The following NBAS variants were observed in gnomAD, a reference collection of about 807,000 sequenced individuals.
NBAS encodes the protein NBAS subunit of NRZ tethering complex.
In NBAS, 219 loss-of-function variants were observed where a neutral mutation model predicts 302.5. The ratio of observed to expected loss-of-function variants is 0.72; its 90% confidence interval spans 0.65 to 0.81. The LOEUF (loss-of-function observed/expected upper bound fraction) is 0.81. Among genes scored for constraint, NBAS ranks in the 30% least tolerant of loss-of-function variants. The probability of loss-of-function intolerance (pLI) is 0.00; values close to 1 mark genes in which losing one functional copy is unlikely to be tolerated. For synonymous variants in NBAS, 1,118 were observed against 1,021.6 expected (o/e 1.09, Z -1.80); for missense variants, 2,932 against 2,841.6 (o/e 1.03, Z -0.72).
chr2:15,003,531 G>A, the NBAS span, among the ~76,000 whole-genome samples: 1 of 152,114 alleles, frequency 6.6e-6, no homozygotes, highest in East Asian at 1.9e-4. Context: ...CAATAAACAG[G>A]TAAAGGGAAG....
chr2:14,865,885 G>C, the NBAS span, among the ~76,000 whole-genome samples: 6 of 152,054 alleles, frequency 3.9e-5, no homozygotes, highest in African/African-American at 1.4e-4. Context: ...CAAATTGGTA[G>C]AAAACTCTTA....
At chr2:14,947,245 G>A in the NBAS span, among the ~76,000 whole-genome samples, 6 of 151,498 alleles carry the variant, frequency 4.0e-5, no homozygotes, top group Non-Finnish European at 3.0e-5. Flanking sequence ...TTCTTAAAAA[G>A]ATAAACAAAA....
the NBAS span, among the ~76,000 whole-genome samples, chr2:15,155,237 A>G: frequency 6.6e-6 from 1 of 152,190 alleles, no homozygotes; most frequent in East Asian, 1.9e-4. Flanking sequence ...ATTAAGTTCT[A>G]GAGAAAAATA....
the NBAS span, among the ~76,000 whole-genome samples, chr2:14,864,256 G>T: frequency 1.2e-3 from 179 of 151,518 alleles, no homozygotes; most frequent in Middle Eastern, 6.8e-3. Flanking sequence ...GGTAGGAGGA[G>T]GTTGTAGTGA....
Position 15,561,295 on chromosome 2 carries a change from G to C in NBAS, c.10C>G (p.Pro4Ala). Residue 4 changes from proline (P) to alanine (A), a missense_variant, in exon 1 of 52, where the codon CCC becomes GCC. Transcript: ENST00000281513. Reference protein sequence around the residue: MAAPESGPALSPGT... With the variant: MAAAESGPALSPGT... ...GGACTCAAAGCCGGCCCTGACTCGGGGGCCGCCATGTTCGCCGAGGACTCA... is the reference window on the plus strand; with the variant it reads ...GGACTCAAAGCCGGCCCTGACTCGGCGGCCGCCATGTTCGCCGAGGACTCA... The C allele has an allele frequency of 6.2e-7, 1 of 1,613,060 alleles. No individual in the cohort carries two copies. The highest frequency in any genetic ancestry group is 8.5e-7 in the Non-Finnish European group (1 of 1,179,990).
intron 41 of NBAS, among the ~76,000 whole-genome samples, chr2:15,290,783 G>A (rs1018091687): frequency 1.4e-4 from 22 of 152,294 alleles, no homozygotes; most frequent in African/African-American, 5.1e-4. Context: ...GAGGAGAAGA[G>A]AAAAACAATT....
the NBAS span, among the ~76,000 whole-genome samples, chr2:15,115,701 C>A: frequency 6.6e-6 from 1 of 151,782 alleles, no homozygotes; most frequent in Admixed American, 6.6e-5. Context: ...TTTGTATAGA[C>A]GAAGCTTTGT....
chr2:14,784,231 G>T, the NBAS span, among the ~76,000 whole-genome samples: 9 of 152,150 alleles, frequency 5.9e-5, no homozygotes, highest in African/African-American at 2.2e-4. Flanking sequence ...TTTGTCAGAT[G>T]AGTAGGTTGT....
chr2:15,054,665 AG>A, the NBAS span, among the ~76,000 whole-genome samples: 1 of 152,210 alleles, frequency 6.6e-6, no homozygotes, highest in Non-Finnish European at 1.5e-5. Flanking sequence ...AGACCAACAT[AG>A]AAACACACTT....
At chr2:15,087,251 CA>C in the NBAS span, among the ~76,000 whole-genome samples, 1 of 144,346 alleles carries the variant, frequency 6.9e-6, no homozygotes. Context: ...CACACACACA[CA>C]CACACCCCAT....
intron 50 of NBAS, 102 bp downstream of exon 50, chr2:15,186,640 A>T: frequency 6.5e-7 from 1 of 1,539,300 alleles, no homozygotes; most frequent in Non-Finnish European, 8.9e-7. Context: ...GTAATTACTT[A>T]AGCTAAATGT....
intron 50 of NBAS, among the ~76,000 whole-genome samples, chr2:15,184,523 G>A (rs1374772349): frequency 6.6e-6 from 1 of 151,796 alleles, no homozygotes; most frequent in African/African-American, 2.4e-5. Context: ...CAGATCCCTC[G>A]CATGTGTAGT....
At chr2:14,942,761 T>A in the NBAS span, among the ~76,000 whole-genome samples, 1 of 152,216 alleles carries the variant, frequency 6.6e-6, no homozygotes, top group Non-Finnish European at 1.5e-5. Flanking sequence ...CACAGTCTAG[T>A]CAGGCCTGGC....
intron 44 of NBAS, among the ~76,000 whole-genome samples, chr2:15,249,205 G>GA (rs796648942): frequency 2.5e-4 from 38 of 151,400 alleles, no homozygotes; most frequent in African/African-American, 7.8e-4. Context: ...CAGAACCAAT[G>GA]AAAAAAACCA....
At chr2:14,998,495 C>T in the NBAS span, among the ~76,000 whole-genome samples, 3 of 152,142 alleles carry the variant, frequency 2.0e-5, no homozygotes, top group African/African-American at 4.8e-5. Flanking sequence ...CGGTACCTTA[C>T]CTACGTGAAG....
the NBAS span, among the ~76,000 whole-genome samples, chr2:14,866,958 A>C: frequency 6.6e-6 from 1 of 152,200 alleles, no homozygotes; most frequent in African/African-American, 2.4e-5. Context: ...TGCGACACTG[A>C]GTCATAATAA....
chr2:15,558,637 G>C lies in NBAS; in HGVS notation c.118-3C>G. The C allele has an allele frequency of 6.2e-7, 1 of 1,611,178 alleles. No homozygotes were observed. The highest frequency in any genetic ancestry group is 8.5e-7 in the Non-Finnish European group (1 of 1,178,230). ...CCATGTTTTTGGTTGCCTCTAGGCT[G>C]GAATTTAAAACAAAAAACACTTACA... On this transcript the variant is annotated splice_polypyrimidine_tract_variant and splice_region_variant and intron_variant, in intron 1 of 51. Transcript: ENST00000281513.
At chr2:15,093,990 T>G in the NBAS span, among the ~76,000 whole-genome samples, 1 of 152,242 alleles carries the variant, frequency 6.6e-6, no homozygotes, top group Non-Finnish European at 1.5e-5. Context: ...GTAAGCCTAG[T>G]TTCTTGTTAC....
intron 16 of NBAS, among the ~76,000 whole-genome samples, chr2:15,470,035 T>C (rs1679893172): frequency 6.6e-6 from 1 of 152,150 alleles, no homozygotes; most frequent in African/African-American, 2.4e-5. Context: ...CTTGCCCTCT[T>C]CCTAGAAAGA....
Sources: gnomAD v4.1 joint callset for allele counts (sites outside exome capture counted in the v4.1 genomes callset) on GRCh38, gnomAD v4.1.1 for gene constraint, MANE v1.5 for transcripts, NCBI Gene and HGNC (gene_info 2026-07-23, HGNC 2026-07-21) for gene names.